The following TEAD4 variants were observed in gnomAD, a reference collection of about 807,000 sequenced individuals.
The protein encoded by TEAD4 is transcriptional enhancer factor TEF-3.
Under a neutral mutation model 52.4 loss-of-function variants are expected in TEAD4, and 36 were observed. The observed-to-expected ratio is 0.69, with a 90% CI of 0.53 to 0.91. The LOEUF is 0.91. Ranked by LOEUF, TEAD4 falls within the 40% of genes least tolerant of loss-of-function variation. The pLI, the probability that TEAD4 is intolerant of heterozygous loss-of-function variation, is 0.00. For synonymous variants in TEAD4, 220 were observed against 231.0 expected (o/e 0.95, Z 0.43); for missense variants, 508 against 583.9 (o/e 0.87, Z 1.34).
intron 10 of TEAD4, among the ~76,000 whole-genome samples, chr12:3,025,467 A>G (rs2098271514): frequency 6.6e-6 from 1 of 152,028 alleles, no homozygotes; most frequent in Admixed American, 6.6e-5. Context: ...ACTGATTGGT[A>G]TTGGTAGTCT....
intron 3 of TEAD4, among the ~76,000 whole-genome samples, chr12:3,008,348 G>A (rs1399882840): frequency 6.6e-6 from 1 of 152,146 alleles, no homozygotes; most frequent in African/African-American, 2.4e-5. Context: ...TGTGGGCCTG[G>A]TGTGTTTCAG....
At chr12:2,965,436 A>G (rs2098219433) in intron 2 of TEAD4, among the ~76,000 whole-genome samples, 1 of 152,222 alleles carries the variant, frequency 6.6e-6, no homozygotes, top group African/African-American at 2.4e-5. Context: ...CTAGAACTGC[A>G]GATGTGAGCC....
intron 2 of TEAD4, among the ~76,000 whole-genome samples, chr12:2,991,128 G>A (rs930392354): frequency 3.9e-5 from 6 of 152,172 alleles, no homozygotes; most frequent in Non-Finnish European, 5.9e-5. Flanking sequence ...GAACCCATGA[G>A]TTCAGTGCTG....
chr12:2,988,096 T>TA (rs955132812), intron 2 of TEAD4, among the ~76,000 whole-genome samples: 2 of 151,756 alleles, frequency 1.3e-5, no homozygotes, highest in Non-Finnish European at 2.9e-5. Flanking sequence ...TAAAATAAAA[T>TA]AAAAAATCAC....
chr12:2,990,250 A>G (rs1157037779), intron 2 of TEAD4, among the ~76,000 whole-genome samples: 1 of 152,106 alleles, frequency 6.6e-6, no homozygotes, highest in East Asian at 1.9e-4. Context: ...TCCCATATTT[A>G]CAATTCCTTA....
intron 2 of TEAD4, among the ~76,000 whole-genome samples, chr12:2,989,583 C>T (rs1355443561): frequency 2.0e-5 from 3 of 151,996 alleles, no homozygotes; most frequent in African/African-American, 4.8e-5. Context: ...GGATGACAGG[C>T]GCCCACCACC....
intron 2 of TEAD4, among the ~76,000 whole-genome samples, chr12:2,965,948 C>T (rs555822051): frequency 6.6e-6 from 1 of 152,114 alleles, no homozygotes; most frequent in Non-Finnish European, 1.5e-5. Context: ...GCAGCCTTGA[C>T]CTCCCAGGAT....
At chr12:3,036,948 G>A (rs537983458) in intron 10 of TEAD4, among the ~76,000 whole-genome samples, 5 of 152,268 alleles carry the variant, frequency 3.3e-5, no homozygotes, top group African/African-American at 1.2e-4. Context: ...TAGTTGGATG[G>A]TGTTGGGCAA....
At chr12:3,006,710 AAAAT>A (rs1183874969) in intron 3 of TEAD4, among the ~76,000 whole-genome samples, 1 of 151,754 alleles carries the variant, frequency 6.6e-6, no homozygotes, top group African/African-American at 2.4e-5. Context: ...AAAATAATCA[AAAAT>A]AAAGAAGAAA....
chr12:3,009,181 A>C (rs1315620753), intron 3 of TEAD4, among the ~76,000 whole-genome samples: 2 of 152,230 alleles, frequency 1.3e-5, no homozygotes, highest in African/African-American at 4.8e-5. Context: ...TAATCCCAGC[A>C]CTTTGGGAGG....
chr12:3,014,669 C>T (rs897811977), intron 5 of TEAD4, among the ~76,000 whole-genome samples: 4 of 152,294 alleles, frequency 2.6e-5, no homozygotes, highest in South Asian at 4.1e-4. Flanking sequence ...AAGTGACAGG[C>T]GAGCAAGGTG....
intron 3 of TEAD4, among the ~76,000 whole-genome samples, chr12:3,008,934 CTT>C (rs1479300732): frequency 6.6e-6 from 1 of 152,222 alleles, no homozygotes; most frequent in Admixed American, 6.5e-5. Context: ...GGGAACCTCT[CTT>C]CTTCCCTCAT....
chr12:3,007,952 C>G (rs1247772883), intron 3 of TEAD4, among the ~76,000 whole-genome samples: 1 of 152,134 alleles, frequency 6.6e-6, no homozygotes, highest in East Asian at 1.9e-4. Context: ...GGACATCTGA[C>G]CAGCATCTTA....
At chr12:2,996,613 T>C (rs1410951505) in intron 3 of TEAD4, among the ~76,000 whole-genome samples, 1 of 152,204 alleles carries the variant, frequency 6.6e-6, no homozygotes, top group African/African-American at 2.4e-5. Flanking sequence ...TTTTTCCATG[T>C]TGGTCAGGCT....
rs374622442 is a variant in TEAD4, at chr12:3,007,286, G to A, written c.227-3718G>A. Among the ~76,000 whole-genome samples, 474 of 152,320 alleles carry A rather than the reference G, an allele frequency of 3.1e-3. 3 individuals are homozygous for A. The highest frequency in any genetic ancestry group is 0.011 in the African/African-American group (448 of 41,568). On this transcript the variant is annotated intron_variant, in intron 3 of 12. Transcript: ENST00000359864. Reference sequence around the variant, plus strand: ...TCCCTACTGCTTCTCACCACAGGCTGCAGAGGAAGCAGCACTGTTACGGGG... The same window carrying A: ...TCCCTACTGCTTCTCACCACAGGCTACAGAGGAAGCAGCACTGTTACGGGG...
intron 10 of TEAD4, among the ~76,000 whole-genome samples, chr12:3,036,964 ACAGT>A (rs1311279752): frequency 6.6e-6 from 1 of 152,124 alleles, no homozygotes; most frequent in Non-Finnish European, 1.5e-5. Context: ...GGCAAGGCTA[ACAGT>A]CAGGACCCCT....
intron 9 of TEAD4, 147 bp from the exon 10 acceptor site, chr12:3,021,697 A>G (rs2098268821): frequency 1.4e-6 from 1 of 725,600 alleles, no homozygotes; most frequent in Admixed American, 3.0e-5. Context: ...GTAGACTTTT[A>G]CCATCTCTAT....
At chr12:3,027,781 C>T (rs959089653) in intron 10 of TEAD4, among the ~76,000 whole-genome samples, 2 of 152,134 alleles carry the variant, frequency 1.3e-5, no homozygotes, top group East Asian at 1.9e-4. Flanking sequence ...ATGGGAAGAT[C>T]GCTTGAGCCT....
At chr12:2,962,940 C>T (rs1004960567) in intron 2 of TEAD4, among the ~76,000 whole-genome samples, 4 of 152,148 alleles carry the variant, frequency 2.6e-5, no homozygotes, top group Non-Finnish European at 5.9e-5. Flanking sequence ...TCCCCCTAGC[C>T]GCCTTCATCC....
Sources: gnomAD v4.1 joint callset for allele counts (sites outside exome capture counted in the v4.1 genomes callset) on GRCh38, gnomAD v4.1.1 for gene constraint, MANE v1.5 for transcripts, NCBI Gene and HGNC (gene_info 2026-07-23, HGNC 2026-07-21) for gene names.